Variants in LAMA2 observed in about 807,000 individuals in gnomAD.
The protein encoded by LAMA2 is laminin subunit alpha-2.
LAMA2 carries 269 observed loss-of-function variants against 364.8 expected under a neutral mutation model. The ratio of observed to expected loss-of-function variants is 0.74; its 90% CI spans 0.67 to 0.82. The LOEUF (loss-of-function observed/expected upper bound fraction) is 0.82. Ranked by LOEUF, LAMA2 falls within the 40% of genes least tolerant of loss-of-function variation. The pLI, the probability that LAMA2 is intolerant of heterozygous loss-of-function variation, is 0.00. For missense variants in LAMA2, 3,807 were observed against 3,873.2 expected, an observed-to-expected ratio of 0.98 and a Z score of 0.45; for synonymous variants, 1,379 against 1,370.6, an observed-to-expected ratio of 1.01 and a Z score of -0.14.
At chr6:129,292,424 A>G (rs1055634056) in intron 20 of LAMA2, among the ~76,000 whole-genome samples, 4 of 152,240 alleles carry the variant, frequency 2.6e-5, no homozygotes, top group Admixed American at 2.6e-4. Context: ...TTTAAAAGCT[A>G]CTTCCTGTGA....
intron 3 of LAMA2, among the ~76,000 whole-genome samples, chr6:129,080,924 C>T (rs1435186672): frequency 1.3e-5 from 2 of 152,126 alleles, no homozygotes; most frequent in African/African-American, 4.8e-5. Flanking sequence ...AATCATGCTG[C>T]TATAAAGACA....
chr6:128,943,522 A>C (rs1780305976), intron 1 of LAMA2, among the ~76,000 whole-genome samples: 1 of 151,392 alleles, frequency 6.6e-6, no homozygotes, highest in Non-Finnish European at 1.5e-5. Flanking sequence ...GAACTCCTGG[A>C]CCTCCAGCAA....
rs576087031 is a variant in LAMA2, at chr6:129,179,371, A to G, written c.1467+1505A>G. ...ATATAAAATCAAACAGGGAAGAAAAACAAGTGCTTTTCTACACCTACCACT... is the reference window on the plus strand; with the variant it reads ...ATATAAAATCAAACAGGGAAGAAAAGCAAGTGCTTTTCTACACCTACCACT... On this transcript the variant is annotated intron_variant, in intron 10 of 64. Coordinates refer to ENST00000421865, the MANE Select transcript of LAMA2 (RefSeq NM_000426.4). Among the ~76,000 whole-genome samples, 14 of 152,240 alleles carry G rather than the reference A, an allele frequency of 9.2e-5. No homozygotes were observed. In the South Asian group the frequency reaches 2.7e-3, roughly 29 times the overall value.
At chr6:129,389,082 T>C (rs1779179657) in intron 35 of LAMA2, among the ~76,000 whole-genome samples, 1 of 152,126 alleles carries the variant, frequency 6.6e-6, no homozygotes, top group Non-Finnish European at 1.5e-5. Context: ...CTGACAATAG[T>C]GGTGAAATAT....
intron 8 of LAMA2, among the ~76,000 whole-genome samples, chr6:129,156,639 G>GAATT (rs1779132995): frequency 6.6e-6 from 1 of 151,824 alleles, no homozygotes; most frequent in Non-Finnish European, 1.5e-5. Flanking sequence ...AATAAGAAGT[G>GAATT]CTTTCTCTGT....
At chr6:128,973,944 T>C (rs1782361924) in intron 1 of LAMA2, among the ~76,000 whole-genome samples, 1 of 152,190 alleles carries the variant, frequency 6.6e-6, no homozygotes, top group Admixed American at 6.5e-5. Context: ...ACCCTGGGAA[T>C]TGCCTTCTAG....
intron 40 of LAMA2, among the ~76,000 whole-genome samples, chr6:129,414,098 C>A (rs9402124): frequency 0.5 from 76,232 of 151,768 alleles, 19,631 homozygotes; most frequent in African/African-American, 0.62. Flanking sequence ...GGAGGATATG[C>A]GCAATTTTAT....
intron 41 of LAMA2, among the ~76,000 whole-genome samples, chr6:129,431,086 A>G (rs1338989439): frequency 6.6e-6 from 1 of 152,100 alleles, no homozygotes; most frequent in Admixed American, 6.6e-5. Flanking sequence ...GAAATTATTT[A>G]ATTACTTAGA....
At chr6:129,199,135 A>G (rs971982526) in intron 12 of LAMA2, among the ~76,000 whole-genome samples, 2 of 152,196 alleles carry the variant, frequency 1.3e-5, no homozygotes, top group Admixed American at 6.5e-5. Context: ...CCATCAGTTT[A>G]TAAAAATAGT....
intron 30 of LAMA2, among the ~76,000 whole-genome samples, chr6:129,347,445 G>A (rs955623974): frequency 2.0e-5 from 3 of 152,120 alleles, no homozygotes; most frequent in African/African-American, 7.2e-5. Context: ...TGTGAAGCAC[G>A]TTAAGAGATC....
At chr6:129,505,540 G>A (rs776689628) in intron 61 of LAMA2, among the ~76,000 whole-genome samples, 185 bp downstream of exon 61, 6 of 151,988 alleles carry the variant, frequency 3.9e-5, no homozygotes, top group Admixed American at 1.3e-4. Flanking sequence ...ACAGAGTCTC[G>A]CTCTGTCGCC....
At chr6:129,262,923 A>G (rs1388903740) in intron 15 of LAMA2, among the ~76,000 whole-genome samples, 1 of 152,168 alleles carries the variant, frequency 6.6e-6, no homozygotes, top group Non-Finnish European at 1.5e-5. Flanking sequence ...ATTTGGGGCC[A>G]TAGTGTTGAT....
At chr6:129,008,847 A>G (rs1562914870) in intron 1 of LAMA2, among the ~76,000 whole-genome samples, 1 of 152,198 alleles carries the variant, frequency 6.6e-6, no homozygotes, top group Non-Finnish European at 1.5e-5. Flanking sequence ...TTCACACAGC[A>G]TCAACTTAAT....
At chr6:129,169,624 T>C (rs1239325398) in intron 9 of LAMA2, among the ~76,000 whole-genome samples, 2 of 149,614 alleles carry the variant, frequency 1.3e-5, no homozygotes, top group Non-Finnish European at 3.0e-5. Flanking sequence ...TAAAATTCTC[T>C]TTTTTGGTTG....
intron 4 of LAMA2, among the ~76,000 whole-genome samples, chr6:129,113,792 G>C (rs1030671027): frequency 7.9e-5 from 12 of 152,062 alleles, no homozygotes; most frequent in African/African-American, 2.9e-4. Flanking sequence ...ATTTGCCAAG[G>C]CTCACTAGTG....
In LAMA2 at chr6:129,379,323, G is replaced by GT. The variant is rs544494265; in HGVS notation, c.4960-3787dup. 7.9e-3 allele frequency among the ~76,000 whole-genome samples: 1,147 copies of GT among 144,764 alleles called. 6 individuals carry two copies. The highest frequency in any genetic ancestry group is 0.018 in the Middle Eastern group (5 of 282). 95.0% of individuals were successfully genotyped at this position (144,764 alleles called of 152,430 possible). A position where few individuals can be genotyped will look rare whatever the true frequency, so the allele number is the denominator to read the frequency against. On this transcript the variant is annotated intron_variant, in intron 34 of 64. Coordinates refer to ENST00000421865, the MANE Select transcript of LAMA2 (RefSeq NM_000426.4). ...GTGCAACAAACCCCATTATGCATGG[G>GT]TTTTTTTTTTTTAACCTGTGTAACA...
chr6:129,346,559 G>A (rs1406262213), intron 30 of LAMA2, among the ~76,000 whole-genome samples: 1 of 150,814 alleles, frequency 6.6e-6, no homozygotes, highest in Non-Finnish European at 1.5e-5. Context: ...TCCTGTATGT[G>A]TACATATCTG....
intron 31 of LAMA2, 55 bp from the exon 32 acceptor site, chr6:129,353,109 T>C: frequency 1.5e-6 from 2 of 1,368,780 alleles, no homozygotes; most frequent in Non-Finnish European, 2.1e-6. Flanking sequence ...CACACAACAA[T>C]GTGGAGACAT....
intron 1 of LAMA2, among the ~76,000 whole-genome samples, chr6:128,906,996 T>A (rs1193679408): frequency 5.8e-4 from 87 of 149,126 alleles, no homozygotes; most frequent in African/African-American, 2.1e-3. Context: ...TTGATCTATA[T>A]CTCTGTTTTG....
Sources: gnomAD v4.1 joint callset for allele counts (sites outside exome capture counted in the v4.1 genomes callset) on GRCh38, gnomAD v4.1.1 for gene constraint, MANE v1.5 for transcripts, NCBI Gene and HGNC (gene_info 2026-07-23, HGNC 2026-07-21) for gene names.